Variants in UTP6 observed in about 807,000 individuals in gnomAD.
The protein encoded by UTP6 is UTP6 small subunit processome component, also known as U3 small nucleolar RNA-associated protein 6 homolog.
UTP6 carries 60 observed loss-of-function variants against 96.5 expected under a neutral mutation model. The observed-to-expected ratio is 0.62, with a 90% CI of 0.51 to 0.77. The LOEUF (loss-of-function observed/expected upper bound fraction) is 0.77. UTP6 is among the 30% of genes least tolerant of loss of function. The pLI, the probability that UTP6 is intolerant of heterozygous loss-of-function variation, is 0.00. For missense variants in UTP6, 637 were observed against 706.5 expected (o/e 0.90, Z 1.12); for synonymous variants, 215 against 240.1 (o/e 0.90, Z 0.96).
rs535913074 is a variant in UTP6, at chr17:31,900,154, G to T, written c.93-424C>A. On this transcript the variant is annotated intron_variant, in intron 1 of 18. Transcript: ENST00000261708. ...CAAGACTCCATCTCAAAAAAAAAAA[G>T]TATTCTCTTACACAATTACTTTTGT... Among the ~76,000 whole-genome samples the T allele has an allele frequency of 2.6e-5, 4 of 151,700 alleles. No homozygotes were observed. The East Asian group carries it at 5.9e-4, about 22-fold the overall frequency.
intron 14 of UTP6, 60 bp downstream of exon 14, chr17:31,875,174 C>T: frequency 6.3e-7 from 1 of 1,591,724 alleles, no homozygotes; most frequent in African/African-American, 1.3e-5. Context: ...CCAAATGAGC[C>T]TTGGCTAGTC....
intron 18 of UTP6, among the ~76,000 whole-genome samples, chr17:31,864,522 C>T (rs973506239): frequency 2.0e-5 from 3 of 152,186 alleles, no homozygotes; most frequent in East Asian, 1.9e-4. Flanking sequence ...CAACAACAGA[C>T]GCCAATTAGC....
chr17:31,882,148 A>G (rs969321110), intron 10 of UTP6, among the ~76,000 whole-genome samples: 2 of 152,202 alleles, frequency 1.3e-5, no homozygotes, highest in Admixed American at 1.3e-4. Flanking sequence ...CTCCTGCCTC[A>G]GCCTCCGGAG....
At chr17:31,893,650 A>C (rs1408403547) in intron 4 of UTP6, among the ~76,000 whole-genome samples, 1 of 150,592 alleles carries the variant, frequency 6.6e-6, no homozygotes, top group Non-Finnish European at 1.5e-5. Flanking sequence ...AAATTGCTTC[A>C]ATCTGGGAGG....
chr17:31,873,620 G>A lies in UTP6; in HGVS notation c.1386+53C>T, dbSNP rs374177739. 34 of 1,612,604 alleles carry A rather than the reference G, an allele frequency of 2.1e-5. No individual in the cohort carries two copies. The African/African-American group carries it at 3.9e-4, about 18-fold the overall frequency. On this transcript the variant is annotated intron_variant, in intron 15 of 18. Coordinates refer to ENST00000261708, the MANE Select transcript of UTP6 (RefSeq NM_018428.3). ...CTGCAACACTAGAGCTGACCAACCA[G>A]GGAACCTTCTGCCATTCCCCACACC...
At chr17:31,865,571 C>A (rs1909765895) in intron 17 of UTP6, 133 bp from the exon 18 acceptor site, 1 of 796,054 alleles carries the variant, frequency 1.3e-6, no homozygotes, top group Admixed American at 2.7e-5. Context: ...CAACTTGGCT[C>A]TCAACTTTTC....
rs1207892874 is a variant in UTP6 at position 31,873,423 on chromosome 17, G to A, written c.1451C>T (p.Ala484Val). 1 of 1,614,034 alleles carries A rather than the reference G, an allele frequency of 6.2e-7. No individual in the cohort carries two copies. The highest frequency in any genetic ancestry group is 8.5e-7 in the Non-Finnish European group (1 of 1,180,042). The change falls in exon 16 of 19, where the codon GCT becomes GTT. Residue 484 changes from alanine to valine, a missense_variant. By Grantham distance (64) the Ala-to-Val change is moderately conservative. Transcript: ENST00000261708. ...VTLKNKYLDW[A>V]YRSGGYKKAR... is the part of the protein sequence containing the mutation. ...CTTTTTGTAGCCACCACTTCGATAA[G>A]CCCAATCCAGGTACTTATTCTTCAG...
intron 4 of UTP6, 75 bp downstream of exon 4, chr17:31,894,570 A>C: frequency 9.6e-7 from 1 of 1,044,720 alleles, no homozygotes; most frequent in Non-Finnish European, 1.4e-6. Flanking sequence ...AGAAAACTGC[A>C]TTTGAATCCC....
At chr17:31,877,626 G>A (rs1408881554) in intron 13 of UTP6, among the ~76,000 whole-genome samples, 12 of 152,090 alleles carry the variant, frequency 7.9e-5, no homozygotes, top group Non-Finnish European at 1.5e-4. Context: ...GAGGTCAGGA[G>A]CTCAAGACCA....
At chr17:31,900,836 G>C (rs562176052) in intron 1 of UTP6, among the ~76,000 whole-genome samples, 20 of 152,286 alleles carry the variant, frequency 1.3e-4, no homozygotes, top group African/African-American at 4.8e-4. Context: ...GTGCAAGACA[G>C]GTGTCTTTAG....
chr17:31,884,573 T>G (rs1312353983), intron 9 of UTP6, 68 bp from the exon 10 acceptor site: 5 of 1,239,170 alleles, frequency 4.0e-6, no homozygotes, highest in African/African-American at 1.5e-5. Flanking sequence ...AAAAGTAGCA[T>G]TCTTTTCATG....
intron 16 of UTP6, among the ~76,000 whole-genome samples, chr17:31,870,986 A>G (rs1035304115): frequency 9.3e-6 from 1 of 107,058 alleles, no homozygotes; most frequent in African/African-American, 3.3e-5. Flanking sequence ...CAACTTTTTA[A>G]GTTTTTTTTT....
chr17:31,873,311 A>T, intron 16 of UTP6, 67 bp downstream of exon 16: 4 of 1,436,338 alleles, frequency 2.8e-6, no homozygotes, highest in Non-Finnish European at 3.9e-6. Context: ...TGATTCAAAT[A>T]ATCTGGGTAT....
chr17:31,883,917 C>G (rs747760467), intron 10 of UTP6, among the ~76,000 whole-genome samples: 9 of 151,654 alleles, frequency 5.9e-5, no homozygotes, highest in Non-Finnish European at 1.3e-4. Context: ...GATCCACCTG[C>G]CTTGGCCTCC....
chr17:31,889,406 G>T lies in UTP6; in HGVS notation c.425-3C>A. On this transcript the variant is annotated splice_region_variant and splice_polypyrimidine_tract_variant and intron_variant, in intron 6 of 18. Coordinates refer to ENST00000261708, the MANE Select transcript of UTP6 (RefSeq NM_018428.3). ...TTTGGCTGCCATAATCCACAAAGCT[G>T]TAAGTGAAAAACCATCAGATTTCAT... The T allele has an allele frequency of 6.2e-7, 1 of 1,603,464 alleles. No individual in the cohort carries two copies. Among genetic ancestry groups the T allele is most frequent in the Non-Finnish European group, 8.5e-7 (1 of 1,173,054 alleles).
At chr17:31,882,906 C>A (rs1303281955) in intron 10 of UTP6, among the ~76,000 whole-genome samples, 2 of 152,134 alleles carry the variant, frequency 1.3e-5, no homozygotes, top group Non-Finnish European at 2.9e-5. Flanking sequence ...CCACCTCAGC[C>A]CCGCAAGTAG....
At chr17:31,900,960 C>T (rs1022040198) in intron 1 of UTP6, among the ~76,000 whole-genome samples, 2 of 152,136 alleles carry the variant, frequency 1.3e-5, no homozygotes, top group African/African-American at 4.8e-5. Flanking sequence ...TACATTCAGA[C>T]GTTGCAAAAC....
In UTP6 at chr17:31,889,326, C is replaced by A. The variant is rs199527189; in HGVS notation, c.502G>T (p.Ala168Ser). 1.7e-5 allele frequency: 27 copies of A among 1,613,806 alleles called. No homozygotes were observed. The highest frequency in any genetic ancestry group is 2.1e-5 in the Non-Finnish European group (25 of 1,179,870). ...SESARQLFLR[A>S]LRFHPECPKL... ...GGGCACTCTGGATGAAAGCGCAGTG[C>A]GCGAAGAAATAGTTGCCTTGCGCTT... Residue 168 changes from alanine to serine, a missense_variant, in exon 7 of 19, where the codon GCA becomes TCA. Physicochemically the swap from Ala to Ser is moderately conservative, Grantham distance 99 (BLOSUM62 1). Coordinates refer to ENST00000261708, the MANE Select transcript of UTP6 (RefSeq NM_018428.3).
At chr17:31,869,717 T>C (rs1451551511) in intron 16 of UTP6, among the ~76,000 whole-genome samples, 3 of 152,180 alleles carry the variant, frequency 2.0e-5, no homozygotes, top group Non-Finnish European at 4.4e-5. Flanking sequence ...TGCAGGTTTG[T>C]TATGTGTGTA....
Sources: gnomAD v4.1 joint callset for allele counts (sites outside exome capture counted in the v4.1 genomes callset) on GRCh38, gnomAD v4.1.1 for gene constraint, MANE v1.5 for transcripts, NCBI Gene and HGNC (gene_info 2026-07-23, HGNC 2026-07-21) for gene names.